Variants in DNAJC1 observed in about 807,000 individuals in gnomAD.
DNAJC1 encodes dnaJ homolog subfamily C member 1.
A neutral mutation model predicts 76.6 loss-of-function variants in DNAJC1; 58 were observed. That is an observed-to-expected ratio of 0.76 (90% CI 0.61 to 0.94). The LOEUF (loss-of-function observed/expected upper bound fraction) is 0.94, where lower values mean the gene tolerates loss of function less well. DNAJC1 is among the 40% of genes least tolerant of loss of function. DNAJC1 has a pLI of 0.00. For missense variants in DNAJC1, 689 were observed against 677.3 expected, an observed-to-expected ratio of 1.02 and a Z score of -0.19; for synonymous variants, 258 against 267.9, an observed-to-expected ratio of 0.96 and a Z score of 0.36.
chr10:21,914,108 G>A (rs757796444), intron 6 of DNAJC1, among the ~76,000 whole-genome samples: 21 of 152,070 alleles, frequency 1.4e-4, no homozygotes, highest in Admixed American at 2.6e-4. Context: ...TGCCTATGTA[G>A]ATTACATGGG....
At chr10:21,850,719 G>T (rs951689288) in intron 8 of DNAJC1, among the ~76,000 whole-genome samples, 4 of 151,898 alleles carry the variant, frequency 2.6e-5, no homozygotes, top group Non-Finnish European at 5.9e-5. Context: ...TAGCCAAAAT[G>T]AACTTGGAAA....
intron 3 of DNAJC1, among the ~76,000 whole-genome samples, chr10:21,926,071 C>T (rs1837122948): frequency 6.6e-6 from 1 of 152,224 alleles, no homozygotes; most frequent in Admixed American, 6.5e-5. Flanking sequence ...CCCACCTCAG[C>T]CTCCTGAGTA....
rs184650626 is a variant in DNAJC1, at chr10:21,847,327, A to G, written c.978+34955T>C. 3.9e-3 allele frequency among the ~76,000 whole-genome samples: 589 copies of G among 152,250 alleles called. 5 individuals are homozygous for G. The highest frequency in any genetic ancestry group is 0.013 in the African/African-American group (557 of 41,562). ...TTTCTTCTTTTAAAATTGATATATAATAATTGGACATATTTATGGGGCACA... is the reference window on the plus strand; with the variant it reads ...TTTCTTCTTTTAAAATTGATATATAGTAATTGGACATATTTATGGGGCACA... On this transcript the variant is annotated intron_variant, in intron 8 of 11. Transcript: ENST00000376980.
chr10:21,947,706 T>C (rs1837529344), intron 1 of DNAJC1, among the ~76,000 whole-genome samples: 1 of 152,174 alleles, frequency 6.6e-6, no homozygotes, highest in African/African-American at 2.4e-5. Flanking sequence ...TCTGTTATAA[T>C]TTGATACTGC....
chr10:21,951,491 C>T (rs1006543793), intron 1 of DNAJC1, among the ~76,000 whole-genome samples: 2 of 151,742 alleles, frequency 1.3e-5, no homozygotes, highest in African/African-American at 4.8e-5. Context: ...CTATAGCAAA[C>T]AACAGCTTTG....
intron 1 of DNAJC1, among the ~76,000 whole-genome samples, chr10:21,987,777 T>C (rs985104356): frequency 6.6e-6 from 1 of 152,170 alleles, no homozygotes; most frequent in Non-Finnish European, 1.5e-5. Flanking sequence ...AGTAATATAA[T>C]CTACACGGAT....
chr10:21,919,356 T>G (rs1310058565), intron 5 of DNAJC1, among the ~76,000 whole-genome samples: 1 of 152,024 alleles, frequency 6.6e-6, no homozygotes, highest in East Asian at 1.9e-4. Flanking sequence ...GTCATCAGAA[T>G]AGATGACAGG....
At chr10:21,969,768 C>T (rs1837950517) in intron 1 of DNAJC1, among the ~76,000 whole-genome samples, 1 of 152,158 alleles carries the variant, frequency 6.6e-6, no homozygotes, top group Admixed American at 6.5e-5. Flanking sequence ...CTCTATGATT[C>T]ACTATACAGC....
intron 1 of DNAJC1, among the ~76,000 whole-genome samples, chr10:22,000,601 C>A (rs2131855732): frequency 6.6e-6 from 1 of 152,372 alleles, no homozygotes; most frequent in Admixed American, 6.5e-5. Flanking sequence ...TGTCCTTCTA[C>A]CATGCTATGG....
intron 4 of DNAJC1, among the ~76,000 whole-genome samples, chr10:21,920,201 T>C (rs553064857): frequency 1.3e-5 from 2 of 152,188 alleles, no homozygotes; most frequent in Admixed American, 6.5e-5. Context: ...CAACTCACTT[T>C]TTCTCATTCA....
At chr10:21,963,959 G>A (rs1398870974) in intron 1 of DNAJC1, among the ~76,000 whole-genome samples, 2 of 152,086 alleles carry the variant, frequency 1.3e-5, no homozygotes, top group South Asian at 2.1e-4. Context: ...AGGGACCACA[G>A]GCCTTAGGGC....
intron 1 of DNAJC1, among the ~76,000 whole-genome samples, chr10:21,974,614 A>T (rs1419691411): frequency 6.6e-6 from 1 of 152,220 alleles, no homozygotes. Flanking sequence ...GACACTTTGT[A>T]CTGCATTCTA....
At chr10:21,821,501 C>T (rs769618762) in intron 8 of DNAJC1, among the ~76,000 whole-genome samples, 2 of 151,920 alleles carry the variant, frequency 1.3e-5, no homozygotes, top group Admixed American at 6.6e-5. Flanking sequence ...GAATGACTGT[C>T]GAATGAGTAT....
Position 21,918,791 on chromosome 10 carries a change from A to T in DNAJC1, c.717T>A (p.Pro239=), listed in dbSNP as rs1335073274. 1.9e-6 allele frequency: 3 copies of T among 1,611,592 alleles called. No homozygotes were observed. Among genetic ancestry groups the T allele is most frequent in the African/African-American group, 1.3e-5 (1 of 74,846 alleles). Residue 239 remains proline, a synonymous_variant, in exon 6 of 12, where the codon CCT becomes CCA. Coordinates refer to ENST00000376980, the MANE Select transcript of DNAJC1 (RefSeq NM_022365.4). ...IWFCLTLKAL[P]HLIQDAGQFY... Reference sequence around the variant, plus strand: ...AGGTACATTTTACCTGGATGAGGTGAGGTAATGCTTTTAGTGTAAGGCAAA... The same window carrying T: ...AGGTACATTTTACCTGGATGAGGTGTGGTAATGCTTTTAGTGTAAGGCAAA...
At chr10:21,771,259 T>C (rs137883717) in intron 9 of DNAJC1, among the ~76,000 whole-genome samples, 333 of 152,314 alleles carry the variant, frequency 2.2e-3, no homozygotes, top group African/African-American at 7.3e-3. Context: ...TTACTTCTTT[T>C]TTTCCATCTT....
chr10:21,908,131 T>A (rs1343813269), intron 6 of DNAJC1, among the ~76,000 whole-genome samples: 3 of 108,088 alleles, frequency 2.8e-5, no homozygotes, highest in African/African-American at 1.1e-4. Context: ...TAATATATAA[T>A]ATATAAAAAT....
intron 8 of DNAJC1, among the ~76,000 whole-genome samples, chr10:21,877,978 A>G (rs1329697263): frequency 6.6e-6 from 1 of 152,246 alleles, no homozygotes; most frequent in African/African-American, 2.4e-5. Context: ...AAATACCTTT[A>G]TAGTAATGTA....
At chr10:21,923,582 G>T (rs1037236282) in intron 3 of DNAJC1, among the ~76,000 whole-genome samples, 1 of 151,832 alleles carries the variant, frequency 6.6e-6, no homozygotes, top group African/African-American at 2.4e-5. Context: ...TATAAAGAAA[G>T]AAATCTCTAT....
chr10:21,888,483 C>T (rs1407642209), intron 7 of DNAJC1, among the ~76,000 whole-genome samples: 2 of 152,100 alleles, frequency 1.3e-5, no homozygotes, highest in African/African-American at 4.8e-5. Context: ...ATGGAATCAA[C>T]CTGAATGCCC....
Sources: gnomAD v4.1 joint callset for allele counts (sites outside exome capture counted in the v4.1 genomes callset) on GRCh38, gnomAD v4.1.1 for gene constraint, MANE v1.5 for transcripts, NCBI Gene and HGNC (gene_info 2026-07-23, HGNC 2026-07-21) for gene names.